Variants in FAT2 observed in about 807,000 individuals in gnomAD.
The protein encoded by FAT2 is protocadherin Fat 2.
In FAT2, 150 loss-of-function variants were observed where a neutral mutation model predicts 295.3. The observed-to-expected ratio is 0.51, with a 90% CI of 0.44 to 0.58. FAT2 has a LOEUF of 0.58. Among genes scored for constraint, FAT2 ranks in the 20% least tolerant of loss-of-function variants. The pLI is 0.00. For missense variants in FAT2, 4,868 were observed against 5,442.7 expected (o/e 0.89, Z 3.32); for synonymous variants, 2,026 against 2,150.3 (o/e 0.94, Z 1.60).
intron 3 of FAT2, among the ~76,000 whole-genome samples, chr5:151,559,246 G>A (rs933033882): frequency 2.6e-5 from 4 of 152,200 alleles, no homozygotes; most frequent in African/African-American, 9.6e-5. Context: ...AGTCATTCCG[G>A]CTTTTTCTTC....
chr5:151,515,056 A>T (rs1752710959), intron 20 of FAT2, among the ~76,000 whole-genome samples: 1 of 152,094 alleles, frequency 6.6e-6, no homozygotes, highest in Non-Finnish European at 1.5e-5. Context: ...CTTTTCCGCA[A>T]AATTTCACCC....
chr5:151,522,012 A>G lies in FAT2; in HGVS notation c.10581T>C (p.Tyr3527=), dbSNP rs1264288999. 3 of 1,614,082 alleles carry G rather than the reference A, an allele frequency of 1.9e-6. No individual in the cohort carries two copies. Among genetic ancestry groups the G allele is most frequent in the Non-Finnish European group, 1.7e-6 (2 of 1,179,918 alleles). The change falls in exon 19 of 24, where the codon TAT becomes TAC. Residue 3527 remains tyrosine (Y), a synonymous_variant. Transcript: ENST00000261800. Reference sequence around the variant, plus strand: ...TCTCCAGTGGGAGAGCAGAAGGTGCATAGTGGCTCTGCTCTGTGACATGGA... The same window carrying G: ...TCTCCAGTGGGAGAGCAGAAGGTGCGTAGTGGCTCTGCTCTGTGACATGGA... ...VRVHVTEQSH[Y]APSALPLEIF...
chr5:151,524,580 T>G (rs954505534), intron 18 of FAT2, among the ~76,000 whole-genome samples: 1 of 152,230 alleles, frequency 6.6e-6, no homozygotes, highest in African/African-American at 2.4e-5. Flanking sequence ...ACCCAGCCTA[T>G]GGTGTTCTGT....
At chr5:151,565,398 T>C (rs542746133) in intron 2 of FAT2, among the ~76,000 whole-genome samples, 2 of 152,244 alleles carry the variant, frequency 1.3e-5, no homozygotes, top group African/African-American at 4.8e-5. Context: ...TTTTAAATTT[T>C]ATATAAAAAA....
intron 1 of FAT2, among the ~76,000 whole-genome samples, chr5:151,586,967 C>T (rs1759195884): frequency 6.6e-6 from 1 of 152,000 alleles, no homozygotes; most frequent in Admixed American, 6.6e-5. Flanking sequence ...CATGGTGAAA[C>T]CCTGTCTCTA....
chr5:151,545,370 A>T lies in FAT2; in HGVS notation c.5757T>A (p.His1919Gln). 6.2e-7 allele frequency: 1 copy of T among 1,614,146 alleles called. No homozygotes were observed. The highest frequency in any genetic ancestry group is 8.5e-7 in the Non-Finnish European group (1 of 1,180,012). The change falls in exon 10 of 24, where the codon CAT (histidine) becomes CAA (glutamine). Residue 1919 changes from histidine (H) to glutamine (Q), a missense_variant. Physicochemically the swap from His to Gln is conservative, Grantham distance 24. Coordinates refer to ENST00000261800, the MANE Select transcript of FAT2 (RefSeq NM_001447.3). The stretch of plus-strand genomic sequence containing the variant: ...GCACAGATATGCTACCAGTGACAGG[A>T]TGGATGGTAACAGCTTCATCAGCAT... ...TGNADEAVTI[H>Q]PVTGSISVLN... is the part of the protein sequence containing the mutation.
Position 151,537,872 on chromosome 5 carries a change from C to T in FAT2, c.9114G>A (p.Leu3038=). The T allele has an allele frequency of 1.2e-6, 2 of 1,614,168 alleles. No individual in the cohort carries two copies. Among genetic ancestry groups the T allele is most frequent in the Middle Eastern group, 1.6e-4 (1 of 6,062 alleles). ...TGATCTGAGCATTGGTATCAGTGTCCAAGTCTGTGGCAGAAACCTTCAAAA... is the reference window on the plus strand; with the variant it reads ...TGATCTGAGCATTGGTATCAGTGTCTAAGTCTGTGGCAGAAACCTTCAAAA... ...HFILKVSATD[L]DTDTNAQITY... The change falls in exon 12 of 24, where the codon TTG becomes TTA. Residue 3038 remains leucine, a synonymous_variant. Coordinates refer to ENST00000261800, the MANE Select transcript of FAT2 (RefSeq NM_001447.3).
chr5:151,551,663 A>G, intron 6 of FAT2, 57 bp from the exon 7 acceptor site: 4 of 1,589,984 alleles, frequency 2.5e-6, no homozygotes, highest in Non-Finnish European at 2.6e-6. Context: ...GCAGCATAGC[A>G]TAAGATAGGC....
intron 18 of FAT2, among the ~76,000 whole-genome samples, chr5:151,525,436 C>G (rs1008985546): frequency 6.6e-6 from 1 of 152,166 alleles, no homozygotes; most frequent in Non-Finnish European, 1.5e-5. Flanking sequence ...GGTGTTTTGC[C>G]CAGGCACAGA....
At chr5:151,584,705 A>G (rs1346288373) in intron 1 of FAT2, among the ~76,000 whole-genome samples, 1 of 152,088 alleles carries the variant, frequency 6.6e-6, no homozygotes, top group Non-Finnish European at 1.5e-5. Context: ...ATCTATCTCC[A>G]TTTTACAAAT....
intron 2 of FAT2, among the ~76,000 whole-genome samples, chr5:151,565,315 A>G: frequency 6.6e-6 from 1 of 152,030 alleles, no homozygotes; most frequent in Admixed American, 6.6e-5. Context: ...AAAGAAAGAA[A>G]CTTTAGAAGA....
chr5:151,506,087 G>T lies in FAT2; in HGVS notation c.12528C>A (p.Gly4176=). The stretch of plus-strand genomic sequence containing the variant: ...AAGTAGGGGGCCAGACCATGGCTCC[G>T]CCAGGGTACACTGAAAGGGAACAGC... The part of the protein sequence containing the change: ...TWSSEEMVYP[G]GAMVWPPTYS... The change falls in exon 24 of 24, where the codon GGC becomes GGA. Residue 4176 remains glycine, a synonymous_variant. Coordinates refer to ENST00000261800, the MANE Select transcript of FAT2 (RefSeq NM_001447.3). The T allele has an allele frequency of 6.6e-7, 1 of 1,518,540 alleles. No individual in the cohort carries two copies. 94.1% of individuals were successfully genotyped at this position (1,518,540 alleles called of 1,614,324 possible).
chr5:151,528,555 G>A (rs1416871891), intron 15 of FAT2, among the ~76,000 whole-genome samples: 1 of 152,186 alleles, frequency 6.6e-6, no homozygotes, highest in African/African-American at 2.4e-5. Flanking sequence ...TTCGGGGCTG[G>A]AGCAGGCAAT....
In FAT2 at chr5:151,565,793, A is replaced by G; in HGVS notation, c.3139T>C (p.Ser1047Pro). Residue 1047 changes from serine (S) to proline (P), a missense_variant, in exon 2 of 24, where the codon TCG (serine) becomes CCG (proline). Ser to Pro is a moderately conservative substitution (Grantham distance 74). Coordinates refer to ENST00000261800, the MANE Select transcript of FAT2 (RefSeq NM_001447.3). ...HQGQVQENSP[S>P]GTQVIVVAAQ... The stretch of plus-strand genomic sequence containing the variant: ...GCCACTACAATCACCTGAGTTCCCG[A>G]GGGGCTGTTCTCCTGCACCTGGCCC... The G allele has an allele frequency of 6.2e-7, 1 of 1,613,880 alleles. No homozygotes were observed. Among genetic ancestry groups the G allele is most frequent in the East Asian group, 2.2e-5 (1 of 44,882 alleles).
At chr5:151,520,545 G>T (rs1414978620) in intron 19 of FAT2, among the ~76,000 whole-genome samples, 1 of 152,224 alleles carries the variant, frequency 6.6e-6, no homozygotes, top group Non-Finnish European at 1.5e-5. Flanking sequence ...GCTACCACGG[G>T]AATGACAGTC....
Position 151,570,998 on chromosome 5 carries a change from C to T in FAT2, c.-20-2047G>A, listed in dbSNP as rs373318856. ...CCACCCTTCGAGCTTCCCTACCACC[C>T]GCCTCCCAACTCCTGAGATTCTGTT... On this transcript the variant is annotated intron_variant, in intron 1 of 23. Transcript: ENST00000261800. 1.6e-3 allele frequency among the ~76,000 whole-genome samples: 238 copies of T among 152,254 alleles called. 2 individuals carry two copies. In the South Asian group the frequency reaches 0.018, roughly 11 times the overall value.
chr5:151,575,509 AGTT>A (rs1758708867), intron 1 of FAT2, among the ~76,000 whole-genome samples: 1 of 152,136 alleles, frequency 6.6e-6, no homozygotes, highest in Non-Finnish European at 1.5e-5. Flanking sequence ...CACCTCCTGG[AGTT>A]GTTGAGAAGG....
In FAT2 at chr5:151,542,533, C is replaced by T. The variant is rs781761194; in HGVS notation, c.8594G>A (p.Cys2865Tyr). The T allele has an allele frequency of 6.2e-7, 1 of 1,614,200 alleles. No homozygotes were observed. Among genetic ancestry groups the T allele is most frequent in the Non-Finnish European group, 8.5e-7 (1 of 1,180,044 alleles). ...AAAATGATAAGTCTGGCAGGTCTCA[C>T]AGTCAAGTTCCTGGAGTGTGGTGAT... is the stretch of plus-strand genomic sequence containing the variant. Reference protein sequence around the residue: ...GWITTLQELDCETCQTYHFHV... With the variant: ...GWITTLQELDYETCQTYHFHV... The change falls in exon 10 of 24, where the codon TGT (cysteine) becomes TAT (tyrosine). Residue 2865 changes from cysteine to tyrosine, a missense_variant. Physicochemically the swap from Cys to Tyr is radical, Grantham distance 194 (BLOSUM62 -2). This residue lies in a region of FAT2 where 3,297 missense variants were observed against 3,669.4 expected (regional missense o/e 0.90). Coordinates refer to ENST00000261800, the MANE Select transcript of FAT2 (RefSeq NM_001447.3).
intron 1 of FAT2, among the ~76,000 whole-genome samples, chr5:151,583,997 CAAAAAAAAAAAAAAAA>C (rs35453556): frequency 4.3e-5 from 2 of 46,046 alleles, no homozygotes; most frequent in Non-Finnish European, 7.1e-5. Flanking sequence ...GGCTCTGTCT[CAAAAAAAAAAAAAAAA>C]AAAAAAAAAA....
Sources: gnomAD v4.1 joint callset for allele counts (sites outside exome capture counted in the v4.1 genomes callset) on GRCh38, gnomAD v4.1.1 for gene constraint, gnomAD v4.1.1 regional missense constraint, MANE v1.5 for transcripts, NCBI Gene and HGNC (gene_info 2026-07-23, HGNC 2026-07-21) for gene names.